Variants in RNF34 observed in about 807,000 individuals in gnomAD.
RNF34 encodes the protein E3 ubiquitin-protein ligase RNF34.
RNF34 carries 12 observed loss-of-function variants against 37.9 expected under a neutral mutation model. That is an observed-to-expected ratio of 0.32 (90% CI 0.20 to 0.51). The LOEUF (loss-of-function observed/expected upper bound fraction) is 0.51, where lower values mean the gene tolerates loss of function less well. Ranked by LOEUF, RNF34 falls within the 20% of genes least tolerant of loss-of-function variation. The probability of loss-of-function intolerance (pLI) is 0.97; values close to 1 mark genes in which losing one functional copy is unlikely to be tolerated. For missense variants in RNF34, 362 were observed against 472.7 expected (o/e 0.77, Z 2.17); for synonymous variants, 155 against 177.2 (o/e 0.87, Z 1.00).
intron 3 of RNF34, among the ~76,000 whole-genome samples, chr12:121,418,899 G>T (rs758332533): frequency 1.3e-4 from 20 of 152,128 alleles, no homozygotes; most frequent in Non-Finnish European, 1.6e-4. Flanking sequence ...TAAAGATGGG[G>T]TTTCACCATG....
At chr12:121,400,654 C>T (rs1869896190) in intron 1 of RNF34, among the ~76,000 whole-genome samples, 1 of 152,124 alleles carries the variant, frequency 6.6e-6, no homozygotes, top group African/African-American at 2.4e-5. Flanking sequence ...AGGAGGGGTG[C>T]AGGGGGTGGT....
chr12:121,408,526 C>A (rs578205815), intron 1 of RNF34, among the ~76,000 whole-genome samples: 4 of 152,140 alleles, frequency 2.6e-5, no homozygotes, highest in African/African-American at 4.8e-5. Context: ...TAGGACACTT[C>A]AAGCACTGTT....
chr12:121,410,723 T>C (rs1174451192), intron 1 of RNF34, among the ~76,000 whole-genome samples: 1 of 152,172 alleles, frequency 6.6e-6, no homozygotes, highest in African/African-American at 2.4e-5. Flanking sequence ...GGTTATTCTC[T>C]CACTGGGAGA....
At chr12:121,402,743 TGG>T in intron 1 of RNF34, 1 of 1,583,250 alleles carries the variant, frequency 6.3e-7, no homozygotes, top group East Asian at 2.2e-5. Context: ...CTCTGAAAGG[TGG>T]GGGAGTGGTA....
At chr12:121,418,142 A>C in intron 3 of RNF34, 1 of 538,584 alleles carries the variant, frequency 1.9e-6, no homozygotes, top group Non-Finnish European at 3.3e-6. Context: ...ATAGCTCATC[A>C]GTCTCTTGGC....
intron 5 of RNF34, 63 bp downstream of exon 5, chr12:121,420,841 G>C: frequency 7.9e-7 from 1 of 1,264,544 alleles, no homozygotes; most frequent in Non-Finnish European, 1.1e-6. Flanking sequence ...AAACTGGGTT[G>C]TTTTTGTCAC....
chr12:121,402,953 T>G (rs1028169090), intron 1 of RNF34: 1 of 663,396 alleles, frequency 1.5e-6, no homozygotes. Flanking sequence ...TAATTTAGGA[T>G]GTAGAATTCC....
chr12:121,419,376 G>A (rs1278120415), intron 3 of RNF34, among the ~76,000 whole-genome samples: 4 of 152,178 alleles, frequency 2.6e-5, no homozygotes, highest in Admixed American at 6.5e-5. Context: ...TACTCAGAAC[G>A]TCTCCTAGTC....
chr12:121,412,397 G>A (rs782059035), intron 1 of RNF34, among the ~76,000 whole-genome samples: 3 of 150,982 alleles, frequency 2.0e-5, no homozygotes, highest in Non-Finnish European at 4.4e-5. Flanking sequence ...CCGCCACCAC[G>A]CCAGGCTAAT....
intron 1 of RNF34, among the ~76,000 whole-genome samples, chr12:121,412,324 C>T (rs563330029): frequency 6.9e-6 from 1 of 145,032 alleles, no homozygotes; most frequent in East Asian, 2.1e-4. Context: ...ACTGCAAGCT[C>T]TGCCTCCCGG....
intron 1 of RNF34, among the ~76,000 whole-genome samples, chr12:121,412,228 A>ATTTTTT (rs1871136551): frequency 8.0e-6 from 1 of 124,950 alleles, no homozygotes; most frequent in African/African-American, 3.4e-5. Context: ...TGCCCAACTA[A>ATTTTTT]TCTTTTTTTT....
At chr12:121,405,772 C>T (rs1870469111) in intron 1 of RNF34, among the ~76,000 whole-genome samples, 1 of 150,596 alleles carries the variant, frequency 6.6e-6, no homozygotes, top group Non-Finnish European at 1.5e-5. Flanking sequence ...GCGTGAGCCA[C>T]CGTGTCCGGC....
intron 1 of RNF34, among the ~76,000 whole-genome samples, chr12:121,415,027 C>T (rs1374845727): frequency 2.6e-5 from 4 of 151,872 alleles, no homozygotes; most frequent in Non-Finnish European, 5.9e-5. Flanking sequence ...GCCCGGGAGG[C>T]GGACGTTGCA....
intron 1 of RNF34, among the ~76,000 whole-genome samples, chr12:121,400,468 C>A (rs1869868943): frequency 6.6e-6 from 1 of 152,206 alleles, no homozygotes. Context: ...GCGTCCCTAG[C>A]GTTCGCGCCG....
intron 1 of RNF34, among the ~76,000 whole-genome samples, chr12:121,412,391 C>T (rs1164068447): frequency 6.6e-6 from 1 of 151,434 alleles, no homozygotes. Context: ...AGGTGCCCGC[C>T]ACCACGCCAG....
rs111780423 is a variant in RNF34, at chr12:121,410,095, G to A, written c.7-6064G>A. ...GTTGAACCTGGGAGGTAGAGGTTGC[G>A]GTGAGCCAAGATCGTGCCATCGCAC... is the stretch of plus-strand genomic sequence containing the variant. On this transcript the variant is annotated intron_variant, in intron 1 of 5. Coordinates refer to ENST00000361234, the MANE Select transcript of RNF34 (RefSeq NM_025126.4). Among the ~76,000 whole-genome samples, 111 of 151,952 alleles carry A rather than the reference G, an allele frequency of 7.3e-4. 1 individual carries two copies. Among genetic ancestry groups the A allele is most frequent in the Middle Eastern group, 3.4e-3 (1 of 292 alleles).
chr12:121,417,384 C>G lies in RNF34; in HGVS notation c.226-120C>G. ...ACATGAAAATACCTCTGGAAATAGT[C>G]TGGTGCCACTGGGGACTTCACTAAG... On this transcript the variant is annotated intron_variant, in intron 2 of 5. Transcript: ENST00000361234. The surrounding 1 kb of genome is among the most constrained non-coding windows in gnomAD (Gnocchi z 5.0). 1 of 755,304 alleles carries G rather than the reference C, an allele frequency of 1.3e-6. No individual in the cohort carries two copies. Among genetic ancestry groups the G allele is most frequent in the Middle Eastern group, 3.7e-4 (1 of 2,712 alleles). The allele number at this position is 755,304 out of a possible 1,614,324, so 46.8% of individuals were successfully genotyped here.
intron 2 of RNF34, among the ~76,000 whole-genome samples, chr12:121,416,842 C>CAG (rs1266567155): frequency 6.6e-6 from 1 of 152,222 alleles, no homozygotes; most frequent in African/African-American, 2.4e-5. Context: ...GAAAGTCATT[C>CAG]AGAGACCCAT....
intron 1 of RNF34, among the ~76,000 whole-genome samples, chr12:121,405,682 C>T (rs1870460845): frequency 6.6e-6 from 1 of 152,118 alleles, no homozygotes; most frequent in South Asian, 2.1e-4. Flanking sequence ...CGGGGTTTCA[C>T]CATGTTGACC....
Sources: allele counts gnomAD v4.1 joint callset (sites outside exome capture counted in the v4.1 genomes callset), GRCh38; gene constraint gnomAD v4.1.1; non-coding constraint Gnocchi (gnomAD v3.1); transcripts MANE v1.5; gene names NCBI Gene and HGNC (gene_info 2026-07-23, HGNC 2026-07-21).